The following ERCC6 variants were observed in gnomAD, a reference collection of about 807,000 sequenced individuals.
ERCC6 encodes the protein DNA excision repair protein ERCC-6.
Under a neutral mutation model 158.7 loss-of-function variants are expected in ERCC6, and 116 were observed. That is an observed-to-expected ratio of 0.73 (90% CI 0.63 to 0.85). ERCC6 has a LOEUF of 0.85. ERCC6 is among the 40% of genes least tolerant of loss of function. The probability of loss-of-function intolerance (pLI) is 0.00; values close to 1 mark genes in which losing one functional copy is unlikely to be tolerated. For synonymous variants in ERCC6, 678 were observed against 659.3 expected (o/e 1.03, Z -0.43); for missense variants, 1,698 against 1,799.4 (o/e 0.94, Z 1.02).
At chr10:49,435,994 T>C in the ERCC6 span, among the ~76,000 whole-genome samples, 1 of 128,062 alleles carries the variant, frequency 7.8e-6, no homozygotes, top group East Asian at 2.3e-4. Flanking sequence ...AGAATCAGAC[T>C]GTCTCAAAAA....
At chr10:49,462,247 G>A (rs1002578497) in intron 18 of ERCC6, among the ~76,000 whole-genome samples, 1 of 152,128 alleles carries the variant, frequency 6.6e-6, no homozygotes, top group Non-Finnish European at 1.5e-5. Flanking sequence ...CATGATAAAG[G>A]CATCTCTAAT....
intron 5 of ERCC6, among the ~76,000 whole-genome samples, chr10:49,519,336 C>A (rs1163741496): frequency 6.6e-6 from 1 of 152,164 alleles, no homozygotes; most frequent in Non-Finnish European, 1.5e-5. Context: ...TGATTATAAC[C>A]ATGTAAAGAT....
chr10:49,524,008 G>T, intron 5 of ERCC6, 25 bp downstream of exon 5: 1 of 1,611,074 alleles, frequency 6.2e-7, no homozygotes, highest in South Asian at 1.1e-5. Context: ...ACAGTACAAT[G>T]TATTTATAAT....
chr10:49,439,944 A>G, the ERCC6 span, among the ~76,000 whole-genome samples: 2 of 152,148 alleles, frequency 1.3e-5, no homozygotes, highest in East Asian at 1.9e-4. Flanking sequence ...CTCAGTCTGG[A>G]CCTTATTGTC....
chr10:49,515,335 A>G (rs1306964025), intron 5 of ERCC6: 2 of 1,605,930 alleles, frequency 1.2e-6, no homozygotes, highest in Admixed American at 1.7e-5. Flanking sequence ...GACACCTGCT[A>G]TTCAGTGTGA....
chr10:49,526,153 ATATATAT>A (rs1837333596), intron 4 of ERCC6, among the ~76,000 whole-genome samples: 4 of 123,322 alleles, frequency 3.2e-5, no homozygotes, highest in African/African-American at 1.3e-4. Flanking sequence ...ATATATATAT[ATATATAT>A]ATCTGGGTAT....
chr10:49,463,055 T>C (rs1235816315), intron 18 of ERCC6, among the ~76,000 whole-genome samples: 1 of 152,242 alleles, frequency 6.6e-6, no homozygotes. Context: ...GTGGTACAGG[T>C]TGAATATCTC....
At position 49,456,651 on chromosome 10, in the gene ERCC6, T is replaced by A. The variant is rs1850488239; in HGVS notation, c.*2164A>T. 1 of 152,234 alleles carries A rather than the reference T, an allele frequency of 6.6e-6. No individual in the cohort carries two copies. The highest frequency in any genetic ancestry group is 2.4e-5 in the African/African-American group (1 of 41,456). The allele number at this position is 152,234 out of a possible 1,614,324, so 9.4% of individuals were successfully genotyped here. ...AATGGTGATAGTATTAACATTTAAT[T>A]TTTTGACAAAATTTTAAAATCCTTT... On this transcript the variant is annotated 3_prime_UTR_variant, in exon 21 of 21. Transcript: ENST00000355832.
At chr10:49,435,810 C>T in the ERCC6 span, among the ~76,000 whole-genome samples, 4 of 151,870 alleles carry the variant, frequency 2.6e-5, no homozygotes, top group Non-Finnish European at 5.9e-5. Flanking sequence ...ACCAGCCTGG[C>T]CAACATGGTG....
At chr10:49,530,590 A>C in intron 3 of ERCC6, 130 bp downstream of exon 3, 1 of 1,445,358 alleles carries the variant, frequency 6.9e-7, no homozygotes, top group Non-Finnish European at 9.2e-7. Flanking sequence ...AAGAAACCCA[A>C]AATTTCTCTA....
downstream of ERCC6, among the ~76,000 whole-genome samples, chr10:49,453,298 T>C (rs1850441247): frequency 2.0e-5 from 3 of 152,168 alleles, no homozygotes; most frequent in African/African-American, 7.2e-5. Flanking sequence ...GAAGCTTTAC[T>C]CTTATATAGC....
intron 6 of ERCC6, chr10:49,505,615 T>C: frequency 2.8e-6 from 1 of 351,082 alleles, no homozygotes; most frequent in Non-Finnish European, 5.1e-6. Context: ...TAAATGGCTT[T>C]TAAATGTGTT....
intron 5 of ERCC6, chr10:49,516,554 A>G (rs1329119060): frequency 6.2e-7 from 1 of 1,613,996 alleles, no homozygotes; most frequent in African/African-American, 1.3e-5. Context: ...CACTCAGAAA[A>G]ATAATTCCCA....
rs766622325 is a variant in ERCC6 at position 49,505,960 on chromosome 10, C to T, written c.1450G>A (p.Asp484Asn). 6.2e-7 allele frequency: 1 copy of T among 1,613,530 alleles called. No homozygotes were observed. The highest frequency in any genetic ancestry group is 2.2e-5 in the East Asian group (1 of 44,854). ...TCAGCATCACTTTCCTCAGAATCGT[C>T]CTCCAGCTTCAGACGTTTCTCTTTG... ...QDKEKRLKLE[D>N]DSEESDAEFD... Residue 484 changes from aspartate (D) to asparagine (N), a missense_variant, in exon 6 of 21, where the codon GAC becomes AAC. Physicochemically the swap from Asp to Asn is conservative, Grantham distance 23. Coordinates refer to ENST00000355832, the MANE Select transcript of ERCC6 (RefSeq NM_000124.4).
At chr10:49,516,312 C>G in intron 5 of ERCC6, 1 of 1,614,092 alleles carries the variant, frequency 6.2e-7, no homozygotes, top group Non-Finnish European at 8.5e-7. Context: ...TTCATCAAAG[C>G]TGAAATATGT....
At chr10:49,461,053 T>A (rs1208412566) in intron 19 of ERCC6, among the ~76,000 whole-genome samples, 1 of 152,196 alleles carries the variant, frequency 6.6e-6, no homozygotes, top group African/African-American at 2.4e-5. Context: ...ACTGGCTAAT[T>A]ATCTCATTAA....
rs4253068 is a variant in ERCC6, at chr10:49,518,719, A to G, written c.1397+5314T>C. The stretch of plus-strand genomic sequence containing the variant: ...TCCCTCCTCAGAACAGTGGATGTGC[A>G]CAACCCAACCCTCCCAAGCCAGGGT... On this transcript the variant is annotated intron_variant, in intron 5 of 20. Coordinates refer to ENST00000355832, the MANE Select transcript of ERCC6 (RefSeq NM_000124.4). Among the ~76,000 whole-genome samples, 713 of 152,228 alleles carry G rather than the reference A, an allele frequency of 4.7e-3. 5 individuals carry two copies. Among genetic ancestry groups the G allele is most frequent in the African/African-American group, 0.016 (646 of 41,534 alleles).
downstream of ERCC6, among the ~76,000 whole-genome samples, chr10:49,449,472 T>C (rs139303866): frequency 8.4e-3 from 1,277 of 152,022 alleles, 21 homozygotes; most frequent in African/African-American, 0.029. Context: ...TTTAATGTCA[T>C]ATCTTAGAAT....
intron 3 of ERCC6, among the ~76,000 whole-genome samples, chr10:49,529,512 C>T (rs1837419064): frequency 6.6e-6 from 1 of 152,202 alleles, no homozygotes; most frequent in African/African-American, 2.4e-5. Context: ...CACAAGAGAC[C>T]AGATGTCCTC....
Sources: allele counts gnomAD v4.1 joint callset (sites outside exome capture counted in the v4.1 genomes callset), GRCh38; gene constraint gnomAD v4.1.1; transcripts MANE v1.5; gene names NCBI Gene and HGNC (gene_info 2026-07-23, HGNC 2026-07-21).